The following APOL5 variants were observed in gnomAD, a reference collection of about 807,000 sequenced individuals.
APOL5 encodes the protein apolipoprotein L5.
A neutral mutation model predicts 35.5 loss-of-function variants in APOL5; 29 were observed. The observed-to-expected ratio is 0.82, with a 90% CI of 0.61 to 1.11. APOL5 has a LOEUF of 1.11. Among genes scored for constraint, APOL5 ranks in the 50% most tolerant of loss-of-function variants. APOL5 has a pLI of 0.00. For missense variants in APOL5, 514 were observed against 530.4 expected (o/e 0.97, Z 0.30); for synonymous variants, 188 against 200.2 (o/e 0.94, Z 0.51).
At chr22:35,724,791 A>G (rs1927093294) in intron 2 of APOL5, among the ~76,000 whole-genome samples, 1 of 152,004 alleles carries the variant, frequency 6.6e-6, no homozygotes, top group Non-Finnish European at 1.5e-5. Flanking sequence ...TTGTATGTTT[A>G]GTAGAGACGG....
At chr22:35,721,230 C>CTT (rs1411263347) in intron 2 of APOL5, among the ~76,000 whole-genome samples, 2 of 151,942 alleles carry the variant, frequency 1.3e-5, no homozygotes, top group Admixed American at 6.6e-5. Context: ...TAAAAAATAT[C>CTT]TTAGTAAAAA....
chr22:35,725,753 G>T (rs1045147071), intron 2 of APOL5, among the ~76,000 whole-genome samples: 4 of 152,066 alleles, frequency 2.6e-5, no homozygotes, highest in Non-Finnish European at 5.9e-5. Context: ...TTGAGTGCAG[G>T]GTCTGAAAAA....
intron 2 of APOL5, among the ~76,000 whole-genome samples, chr22:35,724,283 T>A (rs1927073883): frequency 7.0e-6 from 1 of 143,644 alleles, no homozygotes; most frequent in Non-Finnish European, 1.5e-5. Flanking sequence ...TGAAGCCCTG[T>A]CTCAAAAAAA....
the APOL5 span, among the ~76,000 whole-genome samples, chr22:35,710,631 G>A: frequency 6.6e-6 from 1 of 151,950 alleles, no homozygotes; most frequent in Non-Finnish European, 1.5e-5. Context: ...TGCAGCCATG[G>A]CCACCAACAT....
chr22:35,708,620 G>A, the APOL5 span, among the ~76,000 whole-genome samples: 1,799 of 152,238 alleles, frequency 0.012, 32 homozygotes, highest in African/African-American at 0.04. Context: ...TTAAAAAGGG[G>A]GGAAGGGGCA....
At position 35,726,315 on chromosome 22, in the gene APOL5, A is replaced by T. The variant is rs1927152615; in HGVS notation, c.247A>T (p.Met83Leu). 1 of 1,614,176 alleles carries T rather than the reference A, an allele frequency of 6.2e-7. No homozygotes were observed. Among genetic ancestry groups the T allele is most frequent in the Non-Finnish European group, 8.5e-7 (1 of 1,180,044 alleles). ...GTCCTACTTTCTGTTTGAAGAGCTGATGCGATGTGACAAAGATTCCATGCC... is the reference window on the plus strand; with the variant it reads ...GTCCTACTTTCTGTTTGAAGAGCTGTTGCGATGTGACAAAGATTCCATGCC... ...MLSYFLFEEL[M>L]RCDKDSMPDG... The change falls in exon 3 of 5, where the codon ATG becomes TTG. Residue 83 changes from methionine to leucine, a missense_variant. Coordinates refer to ENST00000249044, the MANE Select transcript of APOL5 (RefSeq NM_030642.1).
chr22:35,723,270 G>A (rs1443893887), intron 2 of APOL5, among the ~76,000 whole-genome samples: 1 of 152,154 alleles, frequency 6.6e-6, no homozygotes, highest in Non-Finnish European at 1.5e-5. Context: ...TCTTGTAGAT[G>A]CTCAATTAGG....
upstream of APOL5, among the ~76,000 whole-genome samples, chr22:35,716,371 C>T (rs1483236408): frequency 6.6e-6 from 1 of 152,204 alleles, no homozygotes; most frequent in Non-Finnish European, 1.5e-5. Context: ...CTCCCGGGTT[C>T]AAGAGATTCT....
chr22:35,717,235 A>AAAAATATATATAT, upstream of APOL5, among the ~76,000 whole-genome samples: 4 of 57,662 alleles, frequency 6.9e-5, no homozygotes, highest in South Asian at 2.1e-3. Flanking sequence ...AAAAAAAAAA[A>AAAAATATATATAT]ATATATATAT....
At position 35,724,799 on chromosome 22, in the gene APOL5, C is replaced by T. The variant is rs149779201; in HGVS notation, c.143-1412C>T. Among the ~76,000 whole-genome samples the T allele has an allele frequency of 2.4e-4, 37 of 152,158 alleles. No individual in the cohort carries two copies. The East Asian group carries it at 4.5e-3, about 18-fold the overall frequency. On this transcript the variant is annotated intron_variant, in intron 2 of 4. Coordinates refer to ENST00000249044, the MANE Select transcript of APOL5 (RefSeq NM_030642.1). ...CTAATTTTTGTATGTTTAGTAGAGA[C>T]GGGATTTCACCAAGTTGGTCAGGCT...
rs755291710 is a variant in APOL5, at chr22:35,727,211, T to TG, written c.1126+17_1126+18insG. 2.5e-6 allele frequency: 4 copies of TG among 1,586,378 alleles called. No homozygotes were observed. The highest frequency in any genetic ancestry group is 2.6e-6 in the Non-Finnish European group (3 of 1,172,692). On this transcript the variant is annotated intron_variant, in intron 3 of 4. Transcript: ENST00000249044. ...AACCAGAAGGTAGGAAGGCAGCGAA[T>TG]AACACGGACGTGGTCTTGCTCTTCT...
At chr22:35,715,377 C>G (rs550285068), upstream of APOL5, among the ~76,000 whole-genome samples, 1 of 152,296 alleles carries the variant, frequency 6.6e-6, no homozygotes, top group East Asian at 1.9e-4. Flanking sequence ...GGCGTAGTGG[C>G]TCAGGACTTT....
chr22:35,717,235 A>AATATATATATATAT (rs1555930034), upstream of APOL5, among the ~76,000 whole-genome samples: 85 of 57,406 alleles, frequency 1.5e-3, 1 homozygote, highest in East Asian at 6.6e-3. Context: ...AAAAAAAAAA[A>AATATATATATATAT]ATATATATAT....
chr22:35,721,578 A>G (rs1218485085), intron 2 of APOL5, among the ~76,000 whole-genome samples: 1 of 152,042 alleles, frequency 6.6e-6, no homozygotes, highest in Non-Finnish European at 1.5e-5. Flanking sequence ...TGGTAAGTAC[A>G]TTGGTATACT....
chr22:35,728,890 C>G lies in APOL5; in HGVS notation c.1294C>G (p.Arg432Gly). 1.9e-6 allele frequency: 3 copies of G among 1,600,272 alleles called. No homozygotes were observed. Among genetic ancestry groups the G allele is most frequent in the Non-Finnish European group, 2.6e-6 (3 of 1,173,984 alleles). Reference protein sequence around the residue: ...RKGRQAPGRHRQ With the variant: ...RKGRQAPGRHGQ ...GGGGAGACAGGCCCCGGGAAGACAC[C>G]GACAATGAGAAGAGGTAAGTGGGAC... is the stretch of plus-strand genomic sequence containing the variant. The change falls in exon 4 of 5, where the codon CGA (arginine) becomes GGA (glycine). Residue 432 changes from arginine to glycine, a missense_variant. Transcript: ENST00000249044.
chr22:35,720,297 T>G (rs906564057), intron 1 of APOL5, among the ~76,000 whole-genome samples: 6 of 152,272 alleles, frequency 3.9e-5, no homozygotes, highest in Non-Finnish European at 7.3e-5. Flanking sequence ...TCAAAAGTGC[T>G]TTACCAATCT....
At chr22:35,725,816 A>G (rs996435586) in intron 2 of APOL5, among the ~76,000 whole-genome samples, 10 of 152,118 alleles carry the variant, frequency 6.6e-5, no homozygotes, top group Non-Finnish European at 1.5e-4. Context: ...CTCGAGGAGC[A>G]ATTGGGGAGG....
chr22:35,715,829 A>G (rs543983604), upstream of APOL5, among the ~76,000 whole-genome samples: 2 of 152,150 alleles, frequency 1.3e-5, no homozygotes, highest in Non-Finnish European at 2.9e-5. Flanking sequence ...ACAATAAACC[A>G]CTCACTGCAT....
chr22:35,714,751 A>T (rs1043733618), upstream of APOL5, among the ~76,000 whole-genome samples: 4 of 152,204 alleles, frequency 2.6e-5, no homozygotes, highest in Admixed American at 6.5e-5. Flanking sequence ...GGGCCAGTGG[A>T]TCCCTTCTTC....
Sources: gnomAD v4.1 joint callset for allele counts (sites outside exome capture counted in the v4.1 genomes callset) on GRCh38, gnomAD v4.1.1 for gene constraint, MANE v1.5 for transcripts, NCBI Gene and HGNC (gene_info 2026-07-23, HGNC 2026-07-21) for gene names.